Variants in CCDC192 observed in about 807,000 individuals in gnomAD.
CCDC192 encodes the protein coiled-coil domain-containing protein 192.
chr5:127,719,128 A>G (rs12652197), intron 2 of CCDC192, among the ~76,000 whole-genome samples: 48,207 of 151,914 alleles, frequency 0.32, 7,882 homozygotes, highest in South Asian at 0.43. Context: ...TTAGCTCCCA[A>G]AAATAAGTGA....
chr5:127,764,789 A>G (rs536401535), intron 3 of CCDC192, among the ~76,000 whole-genome samples: 1 of 152,214 alleles, frequency 6.6e-6, no homozygotes, highest in South Asian at 2.1e-4. Context: ...AAGTTTACCA[A>G]TGTGTATTGG....
intron 5 of CCDC192, among the ~76,000 whole-genome samples, chr5:127,853,382 A>G (rs897416709): frequency 2.2e-4 from 33 of 152,206 alleles, no homozygotes; most frequent in African/African-American, 7.7e-4. Flanking sequence ...CAAGTTGTCT[A>G]TGCTTCCTGA....
chr5:127,814,266 T>C (rs1449965033), intron 5 of CCDC192, among the ~76,000 whole-genome samples: 1 of 152,236 alleles, frequency 6.6e-6, no homozygotes, highest in Non-Finnish European at 1.5e-5. Flanking sequence ...GAGGCGTTAT[T>C]CTTCTTTGTG....
chr5:127,884,798 G>A (rs901176390), intron 6 of CCDC192, among the ~76,000 whole-genome samples: 3 of 152,138 alleles, frequency 2.0e-5, no homozygotes, highest in African/African-American at 4.8e-5. Flanking sequence ...ACCATCCACT[G>A]TTTTATCTTG....
intron 2 of CCDC192, among the ~76,000 whole-genome samples, chr5:127,712,886 A>C (rs1048952333): frequency 6.6e-6 from 1 of 152,184 alleles, no homozygotes; most frequent in Non-Finnish European, 1.5e-5. Context: ...AATGCATGAA[A>C]ATTTTAGTTC....
intron 2 of CCDC192, among the ~76,000 whole-genome samples, chr5:127,743,764 T>C (rs1753569850): frequency 6.6e-6 from 1 of 152,188 alleles, no homozygotes; most frequent in Admixed American, 6.5e-5. Context: ...TTTTAAATAT[T>C]TGCCTAAGTA....
chr5:127,790,884 T>C (rs1396413971), intron 3 of CCDC192, among the ~76,000 whole-genome samples: 1 of 152,244 alleles, frequency 6.6e-6, no homozygotes, highest in Non-Finnish European at 1.5e-5. Flanking sequence ...TAAAAACTGC[T>C]TGTTTTTACA....
At chr5:127,884,505 C>G (rs1007282926) in intron 6 of CCDC192, among the ~76,000 whole-genome samples, 1 of 151,944 alleles carries the variant, frequency 6.6e-6, no homozygotes, top group Non-Finnish European at 1.5e-5. Context: ...TTAATTCACA[C>G]CCAACTCCAG....
At chr5:127,734,025 A>T (rs1341648087) in intron 2 of CCDC192, among the ~76,000 whole-genome samples, 9 of 148,810 alleles carry the variant, frequency 6.0e-5, no homozygotes, top group Non-Finnish European at 1.3e-4. Context: ...CGCTGCACCC[A>T]CTAACTCATC....
chr5:127,875,670 T>TA lies in CCDC192; in HGVS notation c.535+10dup. 2.5e-6 allele frequency: 1 copy of TA among 398,552 alleles called. No homozygotes were observed. The highest frequency in any genetic ancestry group is 4.4e-6 in the Non-Finnish European group (1 of 225,892). The allele number at this position is 398,552 out of a possible 1,614,324, so 24.7% of individuals were successfully genotyped here. A position where few individuals can be genotyped will look rare whatever the true frequency, so the allele number is the denominator to read the frequency against. ...AAAGCCAGCCCCTAGAGGTCAGTAT[T>TA]ACCACGTGACAGATCCACACTGGCC... On this transcript the variant is annotated intron_variant, in intron 6 of 6. Coordinates refer to ENST00000514853, the MANE Select transcript of CCDC192 (RefSeq NM_001317938.2).
intron 5 of CCDC192, among the ~76,000 whole-genome samples, chr5:127,831,361 TGC>T (rs1491031212): frequency 2.0e-5 from 3 of 152,094 alleles, no homozygotes; most frequent in Non-Finnish European, 2.9e-5. Flanking sequence ...TGTGTGTGTG[TGC>T]GTGTGTATAT....
intron 3 of CCDC192, among the ~76,000 whole-genome samples, chr5:127,793,266 A>C (rs1302511380): frequency 6.6e-6 from 1 of 152,252 alleles, no homozygotes; most frequent in Non-Finnish European, 1.5e-5. Flanking sequence ...ATTAAGCTGA[A>C]CATGAGTTAA....
intron 5 of CCDC192, among the ~76,000 whole-genome samples, chr5:127,832,301 T>C (rs1472209675): frequency 2.0e-5 from 3 of 152,196 alleles, no homozygotes; most frequent in African/African-American, 7.2e-5. Flanking sequence ...GAGTTTACAC[T>C]GGCGGAATCA....
At chr5:127,892,071 G>A (rs1752748135) in intron 6 of CCDC192, among the ~76,000 whole-genome samples, 1 of 151,962 alleles carries the variant, frequency 6.6e-6, no homozygotes, top group Non-Finnish European at 1.5e-5. Context: ...ACTATTAACA[G>A]GAATGGAAAT....
intron 6 of CCDC192, among the ~76,000 whole-genome samples, chr5:127,890,133 G>A (rs938569694): frequency 6.6e-6 from 1 of 152,062 alleles, no homozygotes; most frequent in East Asian, 1.9e-4. Context: ...CAGCACTGTG[G>A]TAGGCCAAGC....
At chr5:127,863,272 G>A (rs1247760391) in intron 5 of CCDC192, among the ~76,000 whole-genome samples, 2 of 152,156 alleles carry the variant, frequency 1.3e-5, no homozygotes, top group African/African-American at 4.8e-5. Context: ...GTTTATCCAT[G>A]GATGAATGAA....
intron 6 of CCDC192, among the ~76,000 whole-genome samples, chr5:127,885,498 C>A (rs1374777859): frequency 6.6e-6 from 1 of 152,176 alleles, no homozygotes; most frequent in Non-Finnish European, 1.5e-5. Flanking sequence ...CACTTGTTGA[C>A]AAAGCAGAAA....
At chr5:127,786,414 T>G in intron 3 of CCDC192, 1 of 623,510 alleles carries the variant, frequency 1.6e-6, no homozygotes, top group Non-Finnish European at 3.0e-6. Flanking sequence ...ATCATCTTCC[T>G]TCAGCTCCAA....
chr5:127,928,516 C>G (rs1267420053), intron 6 of CCDC192, among the ~76,000 whole-genome samples: 1 of 152,178 alleles, frequency 6.6e-6, no homozygotes, highest in Non-Finnish European at 1.5e-5. Context: ...AGACAATCTT[C>G]CCATCTCAAA....
Sources: allele counts gnomAD v4.1 joint callset (sites outside exome capture counted in the v4.1 genomes callset), GRCh38; gene constraint gnomAD v4.1.1; transcripts MANE v1.5; gene names NCBI Gene and HGNC (gene_info 2026-07-23, HGNC 2026-07-21).